Variants in GRM8 observed in about 807,000 individuals in gnomAD.
GRM8 encodes the protein metabotropic glutamate receptor 8.
Under a neutral mutation model 87.2 loss-of-function variants are expected in GRM8, and 47 were observed. The observed-to-expected ratio is 0.54, with a 90% CI of 0.43 to 0.69. The LOEUF (loss-of-function observed/expected upper bound fraction) is 0.69. Among genes scored for constraint, GRM8 ranks in the 30% least tolerant of loss-of-function variants. The pLI is 0.00. For synonymous variants in GRM8, 396 were observed against 404.5 expected (o/e 0.98, Z 0.25); for missense variants, 1,019 against 1,139.2 (o/e 0.89, Z 1.52).
chr7:126,459,245 A>T (rs1346995293), intron 9 of GRM8, among the ~76,000 whole-genome samples: 2 of 151,572 alleles, frequency 1.3e-5, no homozygotes, highest in Admixed American at 6.6e-5. Flanking sequence ...AAAATGCAAG[A>T]TTGCCCAGGA....
intron 2 of GRM8, among the ~76,000 whole-genome samples, chr7:127,223,569 T>G (rs746122003): frequency 1.8e-4 from 28 of 151,454 alleles, no homozygotes; most frequent in Non-Finnish European, 3.5e-4. Context: ...TCCACCAGGA[T>G]AGTTTCTGAG....
chr7:126,443,108 A>C (rs774044350), intron 10 of GRM8, among the ~76,000 whole-genome samples: 3 of 152,018 alleles, frequency 2.0e-5, no homozygotes, highest in Non-Finnish European at 4.4e-5. Flanking sequence ...CACTGTGTTC[A>C]TAAGCTAGAA....
At chr7:126,853,727 A>G (rs1797432902) in intron 6 of GRM8, among the ~76,000 whole-genome samples, 1 of 152,196 alleles carries the variant, frequency 6.6e-6, no homozygotes. Flanking sequence ...GCTGGGCCTC[A>G]GGAATGGGCA....
At chr7:126,947,865 G>C (rs1269470252) in intron 3 of GRM8, among the ~76,000 whole-genome samples, 2 of 152,128 alleles carry the variant, frequency 1.3e-5, no homozygotes, top group Non-Finnish European at 2.9e-5. Context: ...TGTTAAACTG[G>C]CTAATGGTGC....
intron 7 of GRM8, among the ~76,000 whole-genome samples, chr7:126,624,005 T>C (rs1800433602): frequency 1.3e-5 from 2 of 152,200 alleles, no homozygotes; most frequent in South Asian, 4.1e-4. Flanking sequence ...AGAACGTATC[T>C]AGAATTTGCC....
chr7:127,048,107 A>G (rs1819118468), intron 3 of GRM8, among the ~76,000 whole-genome samples: 1 of 152,242 alleles, frequency 6.6e-6, no homozygotes, highest in African/African-American at 2.4e-5. Context: ...CAATAAAAAT[A>G]GAGCAAATAG....
At chr7:126,769,713 A>G in intron 7 of GRM8, 152 bp downstream of exon 7, 1 of 595,016 alleles carries the variant, frequency 1.7e-6, no homozygotes, top group Non-Finnish European at 3.0e-6. Flanking sequence ...TTGAGATTCA[A>G]AAGCAGGTGG....
At chr7:127,142,963 GC>G (rs1418170739) in intron 2 of GRM8, among the ~76,000 whole-genome samples, 1 of 152,046 alleles carries the variant, frequency 6.6e-6, no homozygotes, top group Non-Finnish European at 1.5e-5. Flanking sequence ...GTAAGGAGAT[GC>G]CCCATGCATC....
intron 10 of GRM8, among the ~76,000 whole-genome samples, chr7:126,439,460 CAT>C (rs746470161): frequency 6.6e-5 from 10 of 152,074 alleles, no homozygotes; most frequent in Non-Finnish European, 1.0e-4. Context: ...ACATAATTCA[CAT>C]GTTTGTGGTT....
At chr7:126,508,877 A>G (rs1418160040) in intron 9 of GRM8, among the ~76,000 whole-genome samples, 1 of 152,068 alleles carries the variant, frequency 6.6e-6, no homozygotes, top group African/African-American at 2.4e-5. Context: ...CACTTCATAA[A>G]TCAGTACTGT....
chr7:127,033,530 A>G (rs1817582020), intron 3 of GRM8, among the ~76,000 whole-genome samples: 1 of 152,122 alleles, frequency 6.6e-6, no homozygotes, highest in Non-Finnish European at 1.5e-5. Context: ...CAAAAATTTT[A>G]TTTTACAGAT....
chr7:126,880,038 A>T (rs73723522), intron 6 of GRM8, among the ~76,000 whole-genome samples: 3,324 of 152,334 alleles, frequency 0.022, 122 homozygotes, highest in African/African-American at 0.075. Flanking sequence ...TTTCAAACCC[A>T]GGCCTGCCTC....
At chr7:126,636,213 T>C (rs1801836665) in intron 7 of GRM8, among the ~76,000 whole-genome samples, 1 of 152,188 alleles carries the variant, frequency 6.6e-6, no homozygotes, top group South Asian at 2.1e-4. Flanking sequence ...TCTCAGAAAC[T>C]TATATAAAAT....
intron 6 of GRM8, 39 bp from the exon 7 acceptor site, chr7:126,770,104 G>A: frequency 1.4e-6 from 2 of 1,404,600 alleles, no homozygotes; most frequent in Non-Finnish European, 2.0e-6. Context: ...GTTGATGTTA[G>A]ATTCCAATAA....
intron 8 of GRM8, among the ~76,000 whole-genome samples, chr7:126,574,362 T>A (rs941686016): frequency 6.6e-6 from 1 of 152,144 alleles, no homozygotes; most frequent in Non-Finnish European, 1.5e-5. Context: ...TAGATAACCT[T>A]AGAGAGTTCC....
At chr7:127,004,183 T>C (rs1278865542) in intron 3 of GRM8, among the ~76,000 whole-genome samples, 3 of 151,676 alleles carry the variant, frequency 2.0e-5, no homozygotes, top group African/African-American at 7.3e-5. Context: ...TCACCACAAA[T>C]ACTTTAATAA....
intron 3 of GRM8, among the ~76,000 whole-genome samples, chr7:127,061,871 G>A (rs1820627016): frequency 6.6e-6 from 1 of 152,130 alleles, no homozygotes; most frequent in Non-Finnish European, 1.5e-5. Context: ...CACACTATAG[G>A]AGAGCCCCAG....
intron 2 of GRM8, among the ~76,000 whole-genome samples, chr7:127,192,159 G>C (rs537982188): frequency 1.3e-5 from 2 of 152,302 alleles, no homozygotes; most frequent in African/African-American, 4.8e-5. Context: ...TCTACCTGGG[G>C]CACAGAATAT....
At chr7:126,633,147 T>A (rs1801507745) in intron 7 of GRM8, among the ~76,000 whole-genome samples, 1 of 152,114 alleles carries the variant, frequency 6.6e-6, no homozygotes. Flanking sequence ...CAATGGCTAA[T>A]ATATGCAAAT....
Sources: allele counts gnomAD v4.1 joint callset (sites outside exome capture counted in the v4.1 genomes callset), GRCh38; gene constraint gnomAD v4.1.1; transcripts MANE v1.5; gene names NCBI Gene and HGNC (gene_info 2026-07-23, HGNC 2026-07-21).